Variants in DOCK6 observed in about 807,000 individuals in gnomAD.
DOCK6 encodes the protein dedicator of cytokinesis protein 6.
In DOCK6, 167 loss-of-function variants were observed where a neutral mutation model predicts 230.3. The ratio of observed to expected loss-of-function variants is 0.73; its 90% CI spans 0.64 to 0.82. The LOEUF is 0.82. DOCK6 is among the 40% of genes least tolerant of loss of function. DOCK6 has a pLI of 0.00. For missense variants in DOCK6, 2,598 were observed against 2,825.8 expected, an observed-to-expected ratio of 0.92 and a Z score of 1.83; for synonymous variants, 1,148 against 1,185.0, an observed-to-expected ratio of 0.97 and a Z score of 0.64.
intron 1 of DOCK6, among the ~76,000 whole-genome samples, chr19:11,259,372 T>A (rs2080246553): frequency 6.6e-6 from 1 of 151,958 alleles, no homozygotes; most frequent in Admixed American, 6.6e-5. Context: ...TTACAGTTGT[T>A]TAAATGGTAA....
chr19:11,222,885 C>T lies in DOCK6; in HGVS notation c.3090G>A (p.Ser1030=), dbSNP rs780054492. The T allele has an allele frequency of 2.1e-5, 34 of 1,607,566 alleles. No individual in the cohort carries two copies. The highest frequency in any genetic ancestry group is 1.7e-4 in the Middle Eastern group (1 of 6,054). The change falls in exon 26 of 48, where the codon TCG becomes TCA. Residue 1030 remains serine, a synonymous_variant. Transcript: ENST00000294618. The surrounding 1 kb of genome is among the most constrained non-coding windows in gnomAD (Gnocchi z 4.0). ...HYKQVATRLQ[S]SPNPAALLTL... is the part of the protein sequence containing the mutation. ...TCAGCAGGGCTGCTGGATTAGGGGA[C>T]GACTGGAGCCGCGTGGCCACCTGCA...
rs1242588810 is a variant in DOCK6, at chr19:11,201,322, T to C, written c.5689-270A>G. Among the ~76,000 whole-genome samples the C allele has an allele frequency of 6.6e-6, 1 of 152,018 alleles. No homozygotes were observed. Among genetic ancestry groups the C allele is most frequent in the African/African-American group, 2.4e-5 (1 of 41,382 alleles). On this transcript the variant is annotated intron_variant, in intron 44 of 47. Transcript: ENST00000294618. This position sits in a 1 kb window ranked among gnomAD's most constrained non-coding sequence, Gnocchi z 4.3. ...AGAGATTTGGACTGGAAGTTGGAGT[T>C]TGGGGTCCCCAACCTGGTTCTGGGG...
At position 11,254,518 on chromosome 19, in the gene DOCK6, A is replaced by C. The variant is rs893835659; in HGVS notation, c.45-792T>G. Among the ~76,000 whole-genome samples the C allele has an allele frequency of 1.5e-4, 23 of 152,112 alleles. 1 individual carries two copies. Among genetic ancestry groups the C allele is most frequent in the Admixed American group, 4.6e-4 (7 of 15,266 alleles). ...AGAAGGTCCTGGCCAACAAGGGGAA[A>C]CCCTGCCTCTACTAAAAGTACAAAA... On this transcript the variant is annotated intron_variant, in intron 1 of 47. Transcript: ENST00000294618.
In DOCK6 at chr19:11,236,701, A is replaced by C; in HGVS notation, c.2160+92T>G. 6.6e-7 allele frequency: 1 copy of C among 1,519,610 alleles called. No individual in the cohort carries two copies. Among genetic ancestry groups the C allele is most frequent in the South Asian group, 1.2e-5 (1 of 83,180 alleles). 94.1% of individuals were successfully genotyped at this position (1,519,610 alleles called of 1,614,324 possible). A position where few individuals can be genotyped will look rare whatever the true frequency, so the allele number is the denominator to read the frequency against. ...AAAGTCACGTCCAAGGCCTGAGGCCAGACCTCCCCGGCCATCGGCAACTGT... is the reference window on the plus strand; with the variant it reads ...AAAGTCACGTCCAAGGCCTGAGGCCCGACCTCCCCGGCCATCGGCAACTGT... On this transcript the variant is annotated intron_variant, in intron 19 of 47. Coordinates refer to ENST00000294618, the MANE Select transcript of DOCK6 (RefSeq NM_020812.4). This position sits in a 1 kb window ranked among gnomAD's most constrained non-coding sequence, Gnocchi z 5.2.
Position 11,243,659 on chromosome 19 carries a change from G to A in DOCK6, c.1156C>T (p.Arg386Cys), listed in dbSNP as rs1412788055. ...AAGGGCATGCGGTAGCGGCCCAGGC[G>A]GGTGCAGAACTGCTCGGCCGCCAGG... Reference protein sequence around the residue: ...LRLAAEQFCTRLGRYRMPFAW... With the variant: ...LRLAAEQFCTCLGRYRMPFAW... Residue 386 changes from arginine to cysteine, a missense_variant, in exon 11 of 48, where the codon CGC becomes TGC. Physicochemically the swap from Arg to Cys is radical, Grantham distance 180 (BLOSUM62 -3). Transcript: ENST00000294618. The surrounding 1 kb of genome is among the most constrained non-coding windows in gnomAD (Gnocchi z 6.3). 1 of 1,613,080 alleles carries A rather than the reference G, an allele frequency of 6.2e-7. No individual in the cohort carries two copies. Among genetic ancestry groups the A allele is most frequent in the Non-Finnish European group, 8.5e-7 (1 of 1,179,784 alleles).
intron 21 of DOCK6, among the ~76,000 whole-genome samples, chr19:11,234,859 C>G (rs79078772): frequency 1.1e-3 from 164 of 152,332 alleles, no homozygotes; most frequent in African/African-American, 3.9e-3. Context: ...GCAAGTTGCT[C>G]AAACCAGCCA....
rs781540137 is a variant in DOCK6, at chr19:11,243,511, A to G, written c.1258+46T>C. The G allele has an allele frequency of 1.9e-6, 3 of 1,555,554 alleles. No individual in the cohort carries two copies. Among genetic ancestry groups the G allele is most frequent in the Non-Finnish European group, 1.7e-6 (2 of 1,151,784 alleles). On this transcript the variant is annotated intron_variant, in intron 11 of 47. Transcript: ENST00000294618. The surrounding 1 kb of genome is among the most constrained non-coding windows in gnomAD (Gnocchi z 6.3). ...GTAGCCCCGCCCCAGGCCTGTCAGC[A>G]CCACCCTTTAGCCCCGCCCCAAGCC...
At chr19:11,213,370 C>T (rs751845285) in intron 34 of DOCK6, 42 bp from the exon 35 acceptor site, 15 of 1,586,124 alleles carry the variant, frequency 9.5e-6, no homozygotes, top group South Asian at 3.4e-5. Flanking sequence ...AGCCCCTCCC[C>T]GTTCTGGCTC....
intron 6 of DOCK6, among the ~76,000 whole-genome samples, chr19:11,249,771 G>A (rs760155677): frequency 3.3e-5 from 5 of 150,292 alleles, no homozygotes; most frequent in Non-Finnish European, 7.4e-5. Flanking sequence ...GGTGGCTGGC[G>A]CCTGTAGTCC....
rs889739167 is a variant in DOCK6 at position 11,237,713 on chromosome 19, C to T, written c.1899G>A (p.Leu633=). ...LPACVTENHH[L]LFTFYHVSCQ... ...AGCTGACATGGTAGAAGGTGAACAGCAGGTGATGGTTCTCTGTCACGCAGG... is the reference window on the plus strand; with the variant it reads ...AGCTGACATGGTAGAAGGTGAACAGTAGGTGATGGTTCTCTGTCACGCAGG... The change falls in exon 17 of 48, where the codon CTG becomes CTA. Residue 633 remains leucine (L), a synonymous_variant. Coordinates refer to ENST00000294618, the MANE Select transcript of DOCK6 (RefSeq NM_020812.4). 2.5e-6 allele frequency: 4 copies of T among 1,587,836 alleles called. No homozygotes were observed. Among genetic ancestry groups the T allele is most frequent in the South Asian group, 2.3e-5 (2 of 86,868 alleles).
rs778571056 is a variant in DOCK6, at chr19:11,208,698, GC to G, written c.5075del (p.Gly1692AlafsTer12). On this transcript the variant is annotated frameshift_variant, in exon 39 of 48. Coordinates refer to ENST00000294618, the MANE Select transcript of DOCK6 (RefSeq NM_020812.4). LOFTEE classifies it high-confidence loss of function. ...CCCAAGGCCTCACCATGGTGAAGTAGCCGGCTGCCTGTTCCAGCAACCCTAC... is the reference window on the plus strand; with the variant it reads ...CCCAAGGCCTCACCATGGTGAAGTAGCGGCTGCCTGTTCCAGCAACCCTAC... ...GLVGLLEQAA[G>X]YFTMGGLYEA... The G allele has an allele frequency of 6.2e-7, 1 of 1,611,522 alleles. No individual in the cohort carries two copies. The highest frequency in any genetic ancestry group is 8.5e-7 in the Non-Finnish European group (1 of 1,178,094).
intron 24 of DOCK6, among the ~76,000 whole-genome samples, chr19:11,224,208 T>C (rs2079627004): frequency 6.6e-6 from 1 of 151,402 alleles, no homozygotes; most frequent in African/African-American, 2.4e-5. Flanking sequence ...CTTTCTTTCT[T>C]TCTTTCTTTT....
At chr19:11,242,762 T>C (rs539808879) in intron 13 of DOCK6, among the ~76,000 whole-genome samples, 2 of 152,228 alleles carry the variant, frequency 1.3e-5, no homozygotes, top group Admixed American at 1.3e-4. Flanking sequence ...GTGTTGGCGT[T>C]ACAGACTTGA....
chr19:11,201,082 G>T lies in DOCK6; in HGVS notation c.5689-30C>A. The T allele has an allele frequency of 6.2e-7, 1 of 1,610,334 alleles. No individual in the cohort carries two copies. ...GGGGTAAGGGGAGGGGTGTGTACTC[G>T]CTGGGGCCTGAGGAGGTCCTGATCG... On this transcript the variant is annotated intron_variant, in intron 44 of 47. Coordinates refer to ENST00000294618, the MANE Select transcript of DOCK6 (RefSeq NM_020812.4). This position sits in a 1 kb window ranked among gnomAD's most constrained non-coding sequence, Gnocchi z 4.3.
At chr19:11,256,503 A>G (rs951385073) in intron 1 of DOCK6, among the ~76,000 whole-genome samples, 1 of 152,152 alleles carries the variant, frequency 6.6e-6, no homozygotes, top group African/African-American at 2.4e-5. Flanking sequence ...AGTGACCATC[A>G]GTCTCTCAGC....
At chr19:11,241,552 G>A in intron 14 of DOCK6, 2 of 1,553,708 alleles carry the variant, frequency 1.3e-6, no homozygotes, top group Non-Finnish European at 1.7e-6. Flanking sequence ...AGATCCAGGA[G>A]AGGTGAGCCT....
chr19:11,251,296 G>A lies in DOCK6; in HGVS notation c.508-210C>T. 8 of 574,684 alleles carry A rather than the reference G, an allele frequency of 1.4e-5. No homozygotes were observed. In the South Asian group the frequency reaches 1.8e-4, roughly 13 times the overall value. The allele number at this position is 574,684 out of a possible 1,614,324, so 35.6% of individuals were successfully genotyped here. ...CCTCCCAACTTTTACCATTGCTGGG[G>A]GAGGCTACTCCTTATCCCACATTTG... On this transcript the variant is annotated intron_variant, in intron 5 of 47. Transcript: ENST00000294618.
In DOCK6 at chr19:11,237,450, A is replaced by G. The variant is rs201976636; in HGVS notation, c.2073+6T>C. 4.5e-5 allele frequency: 72 copies of G among 1,613,466 alleles called. No individual in the cohort carries two copies. In the African/African-American group the frequency reaches 7.9e-4, roughly 18 times the overall value. On this transcript the variant is annotated splice_donor_region_variant and intron_variant, in intron 18 of 47. Coordinates refer to ENST00000294618, the MANE Select transcript of DOCK6 (RefSeq NM_020812.4). ...CATTGGCAGGCAGGAGCTCCAGGGC[A>G]CATACATCGGGTGTGAGCACGGAAT...
chr19:11,218,938 G>A (rs1034561971), intron 28 of DOCK6, among the ~76,000 whole-genome samples: 2 of 131,444 alleles, frequency 1.5e-5, no homozygotes, highest in African/African-American at 5.9e-5. Context: ...GAGTGCAGTA[G>A]AATGATCCTG....
Sources: gnomAD v4.1 joint callset for allele counts (sites outside exome capture counted in the v4.1 genomes callset) on GRCh38, gnomAD v4.1.1 for gene constraint, Gnocchi (gnomAD v3.1) non-coding constraint, MANE v1.5 for transcripts, NCBI Gene and HGNC (gene_info 2026-07-23, HGNC 2026-07-21) for gene names.